SPAG16: variants seen among roughly 807,000 people sequenced by gnomAD.
SPAG16 encodes the protein sperm associated antigen 16.
A neutral mutation model predicts 80.4 loss-of-function variants in SPAG16; 86 were observed. That is an observed-to-expected ratio of 1.07 (90% confidence interval 0.90 to 1.28). The LOEUF (loss-of-function observed/expected upper bound fraction) is 1.28, where lower values mean the gene tolerates loss of function less well. Among genes scored for constraint, SPAG16 ranks in the 50% most tolerant of loss-of-function variants. The pLI is 0.00. For synonymous variants in SPAG16, 294 were observed against 265.9 expected, an observed-to-expected ratio of 1.11 and a Z score of -1.03; for missense variants, 870 against 765.3, an observed-to-expected ratio of 1.14 and a Z score of -1.61.
intron 13 of SPAG16, among the ~76,000 whole-genome samples, chr2:214,052,175 T>TA (rs1308846390): frequency 1.3e-5 from 2 of 152,232 alleles, no homozygotes; most frequent in Non-Finnish European, 2.9e-5. Context: ...GCAGCCAATT[T>TA]AAAAAGCTTC....
At chr2:213,305,628 G>C (rs1575136952) in intron 3 of SPAG16, among the ~76,000 whole-genome samples, 1 of 151,998 alleles carries the variant, frequency 6.6e-6, no homozygotes, top group African/African-American at 2.4e-5. Flanking sequence ...TATGATTTTT[G>C]ATCTTCATTC....
chr2:213,811,022 G>A (rs1176607403), intron 10 of SPAG16, among the ~76,000 whole-genome samples: 1 of 152,106 alleles, frequency 6.6e-6, no homozygotes, highest in Non-Finnish European at 1.5e-5. Context: ...GTGTAGTAGT[G>A]ATGAAGGGAG....
At position 213,761,722 on chromosome 2, in the gene SPAG16, T is replaced by C. The variant is rs191802984; in HGVS notation, c.1071-100763T>C. Reference sequence around the variant, plus strand: ...AAAACTACAAAAACAAAAAATTAGCTGGGCGTGGTGGCGGGCGCCTGTAGT... The same window carrying C: ...AAAACTACAAAAACAAAAAATTAGCCGGGCGTGGTGGCGGGCGCCTGTAGT... On this transcript the variant is annotated intron_variant, in intron 10 of 15. Coordinates refer to ENST00000331683, the MANE Select transcript of SPAG16 (RefSeq NM_024532.5). Among the ~76,000 whole-genome samples, 1,166 of 151,704 alleles carry C rather than the reference T, an allele frequency of 7.7e-3. 12 individuals are homozygous for C. Among genetic ancestry groups the C allele is most frequent in the African/African-American group, 0.027 (1,113 of 41,390 alleles).
At chr2:213,984,554 A>G (rs2045917405) in intron 12 of SPAG16, among the ~76,000 whole-genome samples, 1 of 152,060 alleles carries the variant, frequency 6.6e-6, no homozygotes, top group South Asian at 2.1e-4. Context: ...AAAACCCAGC[A>G]CAAGGCATGG....
intron 15 of SPAG16, among the ~76,000 whole-genome samples, chr2:214,233,513 T>C (rs1376690993): frequency 1.3e-5 from 2 of 152,034 alleles, no homozygotes; most frequent in Admixed American, 1.3e-4. Flanking sequence ...CCATAGAAGG[T>C]ACATCATAAA....
At chr2:213,351,983 T>G (rs1438480535) in intron 7 of SPAG16, among the ~76,000 whole-genome samples, 2 of 152,060 alleles carry the variant, frequency 1.3e-5, no homozygotes, top group Non-Finnish European at 2.9e-5. Flanking sequence ...TCCCATGCTA[T>G]TCTCATGATA....
intron 14 of SPAG16, among the ~76,000 whole-genome samples, chr2:214,124,749 G>A (rs2054394260): frequency 6.6e-6 from 1 of 151,812 alleles, no homozygotes; most frequent in South Asian, 2.1e-4. Context: ...CAGAACAAGA[G>A]AGTCTGCCCT....
chr2:213,786,013 A>T (rs1268608083), intron 10 of SPAG16, among the ~76,000 whole-genome samples: 5 of 152,136 alleles, frequency 3.3e-5, no homozygotes, highest in Admixed American at 3.3e-4. Flanking sequence ...GTCTAAAAAA[A>T]AAAAAAGAAT....
At chr2:214,065,042 C>T (rs960773364) in intron 13 of SPAG16, among the ~76,000 whole-genome samples, 3 of 151,800 alleles carry the variant, frequency 2.0e-5, no homozygotes, top group Admixed American at 6.6e-5. Context: ...TATTTTTTCT[C>T]ATGTGATTCT....
chr2:213,679,195 A>G (rs2064255455), intron 10 of SPAG16, among the ~76,000 whole-genome samples: 1 of 152,236 alleles, frequency 6.6e-6, no homozygotes, highest in Non-Finnish European at 1.5e-5. Flanking sequence ...AAACAGATTT[A>G]TAAGTTTGCT....
At chr2:213,499,554 A>G (rs1031515314) in intron 10 of SPAG16, among the ~76,000 whole-genome samples, 4 of 152,178 alleles carry the variant, frequency 2.6e-5, no homozygotes, top group Admixed American at 6.5e-5. Flanking sequence ...TTATCTACTT[A>G]TAACCTGGCT....
At chr2:214,353,147 G>A (rs1009797210) in intron 15 of SPAG16, among the ~76,000 whole-genome samples, 1 of 150,884 alleles carries the variant, frequency 6.6e-6, no homozygotes, top group Non-Finnish European at 1.5e-5. Flanking sequence ...ACTATCAAAT[G>A]TTTCTTTATT....
At chr2:214,133,573 C>T (rs1401625911) in intron 14 of SPAG16, among the ~76,000 whole-genome samples, 1 of 152,146 alleles carries the variant, frequency 6.6e-6, no homozygotes, top group Admixed American at 6.6e-5. Context: ...AGGAGAATCA[C>T]TTGAATCTGG....
At chr2:214,296,632 G>T (rs548004447) in intron 15 of SPAG16, among the ~76,000 whole-genome samples, 1 of 152,264 alleles carries the variant, frequency 6.6e-6, no homozygotes, top group South Asian at 2.1e-4. Context: ...GCATTTCTCT[G>T]ATGATTAGTG....
intron 10 of SPAG16, among the ~76,000 whole-genome samples, chr2:213,798,062 C>T (rs1183269843): frequency 6.6e-6 from 1 of 152,206 alleles, no homozygotes; most frequent in Non-Finnish European, 1.5e-5. Flanking sequence ...CTAATGACTA[C>T]TCCTGAGTAC....
chr2:213,956,550 C>T (rs779615753), intron 12 of SPAG16, among the ~76,000 whole-genome samples: 19 of 149,484 alleles, frequency 1.3e-4, no homozygotes, highest in Non-Finnish European at 2.1e-4. Context: ...CAGATTCAAG[C>T]GATTCTCCTG....
At chr2:214,221,590 G>T (rs1425465851) in intron 15 of SPAG16, among the ~76,000 whole-genome samples, 1 of 152,066 alleles carries the variant, frequency 6.6e-6, no homozygotes, top group Non-Finnish European at 1.5e-5. Context: ...GAGAGAAACT[G>T]CTAAAGAGTA....
At chr2:213,456,163 ATATTGT>A (rs1305150572) in intron 9 of SPAG16, among the ~76,000 whole-genome samples, 2 of 152,164 alleles carry the variant, frequency 1.3e-5, no homozygotes, top group Non-Finnish European at 2.9e-5. Flanking sequence ...ATTATTTATC[ATATTGT>A]TATTAAGTTT....
At chr2:214,306,597 G>C (rs1442708166) in intron 15 of SPAG16, among the ~76,000 whole-genome samples, 1 of 152,084 alleles carries the variant, frequency 6.6e-6, no homozygotes. Context: ...TGGATGTTGA[G>C]TTTTATTGAA....
Sources: gnomAD v4.1 joint callset for allele counts (sites outside exome capture counted in the v4.1 genomes callset) on GRCh38, gnomAD v4.1.1 for gene constraint, MANE v1.5 for transcripts, NCBI Gene and HGNC (gene_info 2026-07-23, HGNC 2026-07-21) for gene names.